The following LRRC7 variants were observed in gnomAD, a reference collection of about 807,000 sequenced individuals.
The protein encoded by LRRC7 is leucine rich repeat containing 7.
In LRRC7, 23 loss-of-function variants were observed where a neutral mutation model predicts 175.7. The ratio of observed to expected loss-of-function variants is 0.13; its 90% CI spans 0.09 to 0.19. LRRC7 has a LOEUF of 0.19. LRRC7 is among the 10% of genes least tolerant of loss of function. LRRC7 has a pLI of 1.00. For missense variants in LRRC7, 1,354 were observed against 1,904.7 expected, an observed-to-expected ratio of 0.71 and a Z score of 5.38; for synonymous variants, 685 against 680.9, an observed-to-expected ratio of 1.01 and a Z score of -0.09.
intron 24 of LRRC7, among the ~76,000 whole-genome samples, chr1:70,079,666 G>C (rs2101889): frequency 0.15 from 23,410 of 152,118 alleles, 2,885 homozygotes; most frequent in African/African-American, 0.33. Flanking sequence ...TATTAAGCAC[G>C]TGCTATGTGT....
intron 6 of LRRC7, among the ~76,000 whole-genome samples, chr1:69,836,744 G>T (rs1681154633): frequency 6.6e-6 from 1 of 151,720 alleles, no homozygotes; most frequent in African/African-American, 2.4e-5. Flanking sequence ...TTGTTGAGAA[G>T]ATTTGAGACA....
At chr1:69,672,174 C>T (rs1198151508) in intron 1 of LRRC7, among the ~76,000 whole-genome samples, 3 of 151,956 alleles carry the variant, frequency 2.0e-5, no homozygotes, top group South Asian at 2.1e-4. Context: ...GTTAAATTGG[C>T]GTCCTATCAG....
At position 69,924,421 on chromosome 1, in the gene LRRC7, C is replaced by A. The variant is rs960118601; in HGVS notation, c.648-7086C>A. On this transcript the variant is annotated intron_variant, in intron 7 of 26. Transcript: ENST00000651989. ...TATGGGCATTTTTACGATATTGATT[C>A]TTCCTACCCATGAGCATAGAATGTT... 3.9e-5 allele frequency among the ~76,000 whole-genome samples: 6 copies of A among 152,280 alleles called. No individual in the cohort carries two copies. The East Asian group carries it at 7.7e-4, about 20-fold the overall frequency.
In LRRC7 at chr1:69,879,454, G is replaced by A. The variant is rs530075054; in HGVS notation, c.647+41171G>A. 2.0e-5 allele frequency: 3 copies of A among 152,234 alleles called. No homozygotes were observed. The East Asian group carries it at 5.8e-4, about 29-fold the overall frequency. The allele number at this position is 152,234 out of a possible 1,614,324, so 9.4% of individuals were successfully genotyped here. On this transcript the variant is annotated intron_variant, in intron 7 of 26. Coordinates refer to ENST00000651989, the MANE Select transcript of LRRC7 (RefSeq NM_001370785.2). ...GAGGCTACTGAAAGGACCCTCTCTCGAGAAACCACATCTCCAAACCCCTAG... is the reference window on the plus strand; with the variant it reads ...GAGGCTACTGAAAGGACCCTCTCTCAAGAAACCACATCTCCAAACCCCTAG...
chr1:69,823,899 A>G (rs1211860935), intron 4 of LRRC7, among the ~76,000 whole-genome samples: 1 of 152,168 alleles, frequency 6.6e-6, no homozygotes, highest in African/African-American at 2.4e-5. Flanking sequence ...AGTTTAAAAG[A>G]CTTGCCTAGG....
chr1:70,021,892 A>G (rs1426471620), intron 16 of LRRC7, among the ~76,000 whole-genome samples: 1 of 152,134 alleles, frequency 6.6e-6, no homozygotes, highest in Non-Finnish European at 1.5e-5. Flanking sequence ...TTTTTATAAC[A>G]TTGTATGTGT....
chr1:69,568,681 G>A, intron 1 of LRRC7, 40 bp downstream of exon 1: 1 of 900,070 alleles, frequency 1.1e-6, no homozygotes, highest in Non-Finnish European at 1.5e-6. Flanking sequence ...AGGGTGCTGC[G>A]GGGGCCCGGC....
intron 7 of LRRC7, among the ~76,000 whole-genome samples, chr1:69,893,888 T>C (rs6424608): frequency 0.14 from 21,674 of 152,100 alleles, 2,272 homozygotes; most frequent in African/African-American, 0.3. Context: ...AAGAAAGTCA[T>C]GTGCAAAAGC....
At chr1:69,905,305 G>A (rs1255070903) in intron 7 of LRRC7, among the ~76,000 whole-genome samples, 1 of 151,840 alleles carries the variant, frequency 6.6e-6, no homozygotes, top group Non-Finnish European at 1.5e-5. Flanking sequence ...TGTGCACAAT[G>A]TGCAGGTTTG....
Position 69,568,595 on chromosome 1 carries a change from C to T in LRRC7, c.-45C>T. The stretch of plus-strand genomic sequence containing the variant: ...TAAGGAATAACCCTTGGCAGCTGCA[C>T]GACTACGCTCTCCGAAACCTCATGG... On this transcript the variant is annotated 5_prime_UTR_variant, in exon 1 of 27. The change creates a new upstream start codon in the 5' untranslated region. Coordinates refer to ENST00000651989, the MANE Select transcript of LRRC7 (RefSeq NM_001370785.2). 7.4e-7 allele frequency: 1 copy of T among 1,349,144 alleles called. No individual in the cohort carries two copies. Among genetic ancestry groups the T allele is most frequent in the Non-Finnish European group, 9.9e-7 (1 of 1,014,722 alleles). The allele number at this position is 1,349,144 out of a possible 1,614,324, so 83.6% of individuals were successfully genotyped here.
intron 1 of LRRC7, among the ~76,000 whole-genome samples, chr1:69,638,111 A>G (rs990753678): frequency 2.0e-5 from 3 of 151,900 alleles, no homozygotes; most frequent in Non-Finnish European, 2.9e-5. Context: ...AGAATAGCCA[A>G]GTTTATTTTG....
chr1:69,924,334 G>T (rs949039047), intron 7 of LRRC7, among the ~76,000 whole-genome samples: 17 of 152,048 alleles, frequency 1.1e-4, no homozygotes, highest in Non-Finnish European at 2.4e-4. Flanking sequence ...TTCCAATTCT[G>T]TGAAGAAAGT....
intron 22 of LRRC7, among the ~76,000 whole-genome samples, chr1:70,045,140 G>A (rs1660227834): frequency 6.6e-6 from 1 of 151,622 alleles, no homozygotes; most frequent in Admixed American, 6.6e-5. Flanking sequence ...GAAGACATTT[G>A]TAGCCACAGC....
At chr1:69,614,928 T>C (rs1649379256) in intron 1 of LRRC7, among the ~76,000 whole-genome samples, 2 of 152,198 alleles carry the variant, frequency 1.3e-5, no homozygotes, top group South Asian at 4.1e-4. Context: ...CTATCCCACC[T>C]AACAGGATAA....
chr1:69,873,034 T>C (rs1256474065), intron 7 of LRRC7, among the ~76,000 whole-genome samples: 1 of 152,158 alleles, frequency 6.6e-6, no homozygotes, highest in Non-Finnish European at 1.5e-5. Context: ...AAAATATCAA[T>C]GTGTCCATTT....
At chr1:69,814,163 T>TA (rs1678302626) in intron 4 of LRRC7, among the ~76,000 whole-genome samples, 1 of 152,112 alleles carries the variant, frequency 6.6e-6, no homozygotes, top group African/African-American at 2.4e-5. Flanking sequence ...TTTCAACAGG[T>TA]GGTTGCATAA....
chr1:69,628,890 A>C (rs1163005446), intron 1 of LRRC7, among the ~76,000 whole-genome samples: 1 of 152,190 alleles, frequency 6.6e-6, no homozygotes, highest in Non-Finnish European at 1.5e-5. Flanking sequence ...TCTTCAACAA[A>C]TGTGCTAGAA....
At chr1:70,098,309 G>A (rs1172232981) in intron 25 of LRRC7, among the ~76,000 whole-genome samples, 4 of 151,892 alleles carry the variant, frequency 2.6e-5, no homozygotes, top group African/African-American at 4.8e-5. Context: ...TCTCTGGGAC[G>A]CATTCAAAGC....
chr1:70,043,065 A>T (rs1040521716), intron 21 of LRRC7, among the ~76,000 whole-genome samples: 1 of 152,066 alleles, frequency 6.6e-6, no homozygotes, highest in African/African-American at 2.4e-5. Context: ...TTTCCATTGT[A>T]GATTGAAGGA....
Sources: gnomAD v4.1 joint callset for allele counts (sites outside exome capture counted in the v4.1 genomes callset) on GRCh38, gnomAD v4.1.1 for gene constraint, MANE v1.5 for transcripts, NCBI Gene and HGNC (gene_info 2026-07-23, HGNC 2026-07-21) for gene names.